Variants in CCDC136 observed in about 807,000 individuals in gnomAD.
The protein encoded by CCDC136 is coiled-coil domain-containing protein 136.
In CCDC136, 100 loss-of-function variants were observed where a neutral mutation model predicts 141.2. The ratio of observed to expected loss-of-function variants is 0.71; its 90% confidence interval spans 0.60 to 0.84. The LOEUF (loss-of-function observed/expected upper bound fraction) is 0.84. Among genes scored for constraint, CCDC136 ranks in the 40% least tolerant of loss-of-function variants. The pLI is 0.00. For synonymous variants in CCDC136, 474 were observed against 531.9 expected, an observed-to-expected ratio of 0.89 and a Z score of 1.50; for missense variants, 1,206 against 1,379.4, an observed-to-expected ratio of 0.87 and a Z score of 1.99.
Position 128,805,668 on chromosome 7 carries a change from C to A in CCDC136, c.949-93C>A. On this transcript the variant is annotated intron_variant, in intron 6 of 17. Transcript: ENST00000297788. The surrounding 1 kb of genome is among the most constrained non-coding windows in gnomAD (Gnocchi z 4.6). ...TCTCACTTGCCTGATGTAAATCTTCCAGTCAAAGAGCGCCATGCTTTCCCC... is the reference window on the plus strand; with the variant it reads ...TCTCACTTGCCTGATGTAAATCTTCAAGTCAAAGAGCGCCATGCTTTCCCC... 1.3e-6 allele frequency: 2 copies of A among 1,563,840 alleles called. No individual in the cohort carries two copies. Among genetic ancestry groups the A allele is most frequent in the South Asian group, 1.2e-5 (1 of 84,276 alleles).
chr7:128,801,178 C>A lies in CCDC136; in HGVS notation c.347-8C>A, dbSNP rs1178953977. 4 of 1,604,854 alleles carry A rather than the reference C, an allele frequency of 2.5e-6. No individual in the cohort carries two copies. The South Asian group carries it at 4.4e-5, about 18-fold the overall frequency. On this transcript the variant is annotated splice_region_variant and splice_polypyrimidine_tract_variant and intron_variant, in intron 3 of 17. Transcript: ENST00000297788. ...CCTCTTGATCATCTCAACCTTTGGA[C>A]TTTGCAGGTGAGCTGCGTTCTCTAC... is the stretch of plus-strand genomic sequence containing the variant.
chr7:128,804,928 A>G (rs1350762876), intron 5 of CCDC136, among the ~76,000 whole-genome samples, 167 bp downstream of exon 5: 1 of 152,172 alleles, frequency 6.6e-6, no homozygotes, highest in African/African-American at 2.4e-5. Flanking sequence ...ACAAGCAGAC[A>G]TGGGGATCCG....
At chr7:128,812,612 G>C (rs1002981109) in intron 13 of CCDC136, 96 bp from the exon 14 acceptor site, 22 of 937,514 alleles carry the variant, frequency 2.3e-5, no homozygotes, top group African/African-American at 1.6e-4. Context: ...CTGGATCCTG[G>C]TGGCCATTGT....
intron 3 of CCDC136, among the ~76,000 whole-genome samples, chr7:128,799,305 C>T (rs1172951025): frequency 1.3e-5 from 2 of 151,292 alleles, no homozygotes; most frequent in African/African-American, 4.9e-5. Flanking sequence ...GATCATGCCA[C>T]TCCACTCCAG....
chr7:128,805,316 G>A lies in CCDC136; in HGVS notation c.783-43G>A, dbSNP rs1565629. On this transcript the variant is annotated intron_variant, in intron 5 of 17. Coordinates refer to ENST00000297788, the MANE Select transcript of CCDC136 (RefSeq NM_022742.5). This position sits in a 1 kb window ranked among gnomAD's most constrained non-coding sequence, Gnocchi z 4.6. Reference sequence around the variant, plus strand: ...AAGCCTGCATGGCTGGTGATGCCAGGCAGAACTCCCTTCAAGCATAGCTCT... The same window carrying A: ...AAGCCTGCATGGCTGGTGATGCCAGACAGAACTCCCTTCAAGCATAGCTCT... 224,014 of 1,592,478 alleles carry A rather than the reference G, an allele frequency of 0.14. 16,397 individuals are homozygous for A. The highest frequency in any genetic ancestry group is 0.2 in the African/African-American group (15,195 of 74,590).
chr7:128,811,677 G>A, intron 12 of CCDC136, 123 bp from the exon 13 acceptor site: 2 of 848,464 alleles, frequency 2.4e-6, no homozygotes, highest in Non-Finnish European at 3.6e-6. Context: ...AGGCCGGGGT[G>A]AGGTGGAAAT....
chr7:128,804,008 G>T lies in CCDC136; in HGVS notation c.671-642G>T, dbSNP rs187174056. ...TTTTGTATTTTTAGTAGAGACAGGG[G>T]TTTTGCCATATTGGCCAGGCTGGTC... On this transcript the variant is annotated intron_variant, in intron 4 of 17. Transcript: ENST00000297788. 7.2e-5 allele frequency among the ~76,000 whole-genome samples: 11 copies of T among 152,150 alleles called. 1 individual carries two copies. In the East Asian group the frequency reaches 2.1e-3, roughly 29 times the overall value.
chr7:128,794,565 G>A lies in CCDC136; in HGVS notation c.234G>A (p.Leu78=). 6.4e-7 allele frequency: 1 copy of A among 1,557,254 alleles called. No homozygotes were observed. Among genetic ancestry groups the A allele is most frequent in the Non-Finnish European group, 8.7e-7 (1 of 1,150,440 alleles). The change falls in exon 2 of 18, where the codon CTG becomes CTA. Residue 78 remains leucine, a synonymous_variant. Transcript: ENST00000297788. This position sits in a 1 kb window ranked among gnomAD's most constrained non-coding sequence, Gnocchi z 4.3. ...LVAELEETRE[L]AGQHEDDSLE... ...CAGAACTGGAGGAGACCCGGGAACT[G>A]GCAGGGCAGCATGAGGATGACTCCT...
At chr7:128,812,605 G>C (rs569145162) in intron 13 of CCDC136, 103 bp from the exon 14 acceptor site, 88 of 908,846 alleles carry the variant, frequency 9.7e-5, no homozygotes, top group Admixed American at 1.7e-4. Flanking sequence ...GGCATCTCTG[G>C]ATCCTGGTGG....
chr7:128,803,122 G>A (rs1007681352), intron 4 of CCDC136, among the ~76,000 whole-genome samples: 9 of 152,240 alleles, frequency 5.9e-5, no homozygotes, highest in Non-Finnish European at 1.3e-4. Context: ...GAGCAAGTTA[G>A]TGTTCTTTAA....
In CCDC136 at chr7:128,794,515, C is replaced by G. The variant is rs755359411; in HGVS notation, c.184C>G (p.Arg62Gly). The part of the protein sequence containing the change: ...SLTETELEEL[R>G]AQVLQLVAEL... Reference sequence around the variant, plus strand: ...CACGGAGACAGAGCTGGAGGAGCTGCGGGCTCAGGTGCTGCAGCTGGTGGC... The same window carrying G: ...CACGGAGACAGAGCTGGAGGAGCTGGGGGCTCAGGTGCTGCAGCTGGTGGC... Residue 62 changes from arginine (R) to glycine (G), a missense_variant, in exon 2 of 18, where the codon CGG becomes GGG. By Grantham distance (125) the Arg-to-Gly change is moderately radical. Coordinates refer to ENST00000297788, the MANE Select transcript of CCDC136 (RefSeq NM_022742.5). This position sits in a 1 kb window ranked among gnomAD's most constrained non-coding sequence, Gnocchi z 4.3. 1 of 1,552,822 alleles carries G rather than the reference C, an allele frequency of 6.4e-7. No individual in the cohort carries two copies.
chr7:128,791,234 C>G (rs926340082), upstream of CCDC136, among the ~76,000 whole-genome samples: 1 of 152,134 alleles, frequency 6.6e-6, no homozygotes, highest in Non-Finnish European at 1.5e-5. This position sits in a 1 kb window ranked among gnomAD's most constrained non-coding sequence, Gnocchi z 7.1. Context: ...CGCGGCTCCC[C>G]GCGCTCTCTA....
In CCDC136 at chr7:128,792,259, C is replaced by T; in HGVS notation, c.-153C>T. On this transcript the variant is annotated 5_prime_UTR_variant, in exon 1 of 18. Transcript: ENST00000297788. ...TGGAAGACATGTCCCCTTCTTTCCT[C>T]TGCACCCCAGCCCGCAGCCAGCCCC... 1 of 1,538,378 alleles carries T rather than the reference C, an allele frequency of 6.5e-7. No homozygotes were observed. The highest frequency in any genetic ancestry group is 2.0e-5 in the Admixed American group (1 of 49,918).
chr7:128,801,376 GA>G lies in CCDC136; in HGVS notation c.539del (p.Asn180MetfsTer26). 4 of 1,613,428 alleles carry G rather than the reference GA, an allele frequency of 2.5e-6. No individual in the cohort carries two copies. Among genetic ancestry groups the G allele is most frequent in the Non-Finnish European group, 3.4e-6 (4 of 1,179,632 alleles). The part of the protein sequence containing the change: ...SLQEDLCRMQ[N>X]ELEDMERIRG... ...TGCAGGAGGATCTCTGCCGGATGCA[GA>G]ATGAACTTGAAGACATGGAACGCAT... On this transcript the variant is annotated frameshift_variant, in exon 4 of 18. Coordinates refer to ENST00000297788, the MANE Select transcript of CCDC136 (RefSeq NM_022742.5). LOFTEE classifies it high-confidence loss of function.
rs1805382032 is a variant in CCDC136, at chr7:128,809,494, C to T, written c.1650C>T (p.Tyr550=). The change falls in exon 11 of 18, where the codon TAC becomes TAT. Residue 550 remains tyrosine (Y), a synonymous_variant. Coordinates refer to ENST00000297788, the MANE Select transcript of CCDC136 (RefSeq NM_022742.5). ...GACTGACAGAATTGCAGGAAAAGTA[C>T]AAGGCCAGCCAGAAGGAGATGGGGC... The part of the protein sequence containing the change: ...LSRLTELQEK[Y]KASQKEMGQL... 2.1e-6 allele frequency: 3 copies of T among 1,456,326 alleles called. No individual in the cohort carries two copies. The South Asian group carries it at 3.6e-5, about 18-fold the overall frequency. 90.2% of individuals were successfully genotyped at this position (1,456,326 alleles called of 1,614,324 possible).
chr7:128,818,370 A>T (rs535030225), intron 17 of CCDC136: 177 of 158,930 alleles, frequency 1.1e-3, no homozygotes, highest in African/African-American at 3.9e-3. Context: ...AAGAGCTCTG[A>T]TCCTCATGAT....
intron 15 of CCDC136, 74 bp from the exon 16 acceptor site, chr7:128,815,540 A>T (rs947934155): frequency 3.5e-6 from 5 of 1,436,518 alleles, no homozygotes; most frequent in Non-Finnish European, 4.7e-6. Context: ...TCCTGGAGCT[A>T]GTACAGCATT....
At chr7:128,808,935 C>T in intron 10 of CCDC136, 1 of 985,194 alleles carries the variant, frequency 1.0e-6, no homozygotes, top group Non-Finnish European at 1.2e-6. Flanking sequence ...GTCTTCTCAA[C>T]CCAAATTTAC....
chr7:128,813,053 A>C (rs1806032082), intron 14 of CCDC136, 124 bp downstream of exon 14: 1 of 669,036 alleles, frequency 1.5e-6, no homozygotes, highest in Admixed American at 2.4e-5. Context: ...GAGGCTGGGC[A>C]GTCTGCTCCA....
Sources: gnomAD v4.1 joint callset for allele counts (sites outside exome capture counted in the v4.1 genomes callset) on GRCh38, gnomAD v4.1.1 for gene constraint, Gnocchi (gnomAD v3.1) non-coding constraint, MANE v1.5 for transcripts, NCBI Gene and HGNC (gene_info 2026-07-23, HGNC 2026-07-21) for gene names.